PPP1R9A: variants seen among roughly 807,000 people sequenced by gnomAD.
The protein encoded by PPP1R9A is protein phosphatase 1 regulatory subunit 9A.
In PPP1R9A, 59 loss-of-function variants were observed where a neutral mutation model predicts 141.9. That is an observed-to-expected ratio of 0.42 (90% CI 0.34 to 0.52). The LOEUF is 0.52. Among genes scored for constraint, PPP1R9A ranks in the 20% least tolerant of loss-of-function variants. The probability of loss-of-function intolerance (pLI) is 0.10; values close to 1 mark genes in which losing one functional copy is unlikely to be tolerated. For missense variants in PPP1R9A, 1,444 were observed against 1,611.9 expected, an observed-to-expected ratio of 0.90 and a Z score of 1.78; for synonymous variants, 500 against 569.7, an observed-to-expected ratio of 0.88 and a Z score of 1.74.
chr7:94,951,675 C>T lies in PPP1R9A; in HGVS notation c.1395+40167C>T, dbSNP rs182001695. Reference sequence around the variant, plus strand: ...GTGAGTGAGATAGACCCATAATTTTCCTTCCTCCTACTGTCCTTCTGGGTT... The same window carrying T: ...GTGAGTGAGATAGACCCATAATTTTTCTTCCTCCTACTGTCCTTCTGGGTT... On this transcript the variant is annotated intron_variant, in intron 2 of 19. Transcript: ENST00000433360. Among the ~76,000 whole-genome samples the T allele has an allele frequency of 2.6e-5, 4 of 151,926 alleles. No homozygotes were observed. The East Asian group carries it at 7.8e-4, about 29-fold the overall frequency.
intron 2 of PPP1R9A, among the ~76,000 whole-genome samples, chr7:94,912,505 A>G (rs187336003): frequency 7.1e-4 from 108 of 152,290 alleles, no homozygotes; most frequent in Non-Finnish European, 7.2e-4. Flanking sequence ...TAGCTTACAC[A>G]GTGTGTATAT....
intron 3 of PPP1R9A, among the ~76,000 whole-genome samples, chr7:95,119,463 A>G (rs1306234847): frequency 6.6e-6 from 1 of 152,142 alleles, no homozygotes; most frequent in African/African-American, 2.4e-5. Flanking sequence ...TCCATGACTT[A>G]TCTTTTTTTT....
chr7:95,051,712 C>G (rs186946507), intron 2 of PPP1R9A, among the ~76,000 whole-genome samples: 272 of 152,212 alleles, frequency 1.8e-3, no homozygotes, highest in Non-Finnish European at 3.0e-3. Context: ...GAAGATAAAA[C>G]TGGAGAGGTA....
chr7:95,137,791 CT>C, intron 4 of PPP1R9A, among the ~76,000 whole-genome samples: 1 of 152,188 alleles, frequency 6.6e-6, no homozygotes, highest in Admixed American at 6.5e-5. Flanking sequence ...AGTTAGAGGA[CT>C]GACCTTATTT....
intron 2 of PPP1R9A, among the ~76,000 whole-genome samples, chr7:95,106,384 G>A (rs1819518043): frequency 6.6e-6 from 1 of 152,138 alleles, no homozygotes; most frequent in African/African-American, 2.4e-5. Flanking sequence ...TTAAAATTGG[G>A]ACCATACCAA....
chr7:95,157,803 T>C (rs1195096801), intron 4 of PPP1R9A, among the ~76,000 whole-genome samples: 1 of 152,206 alleles, frequency 6.6e-6, no homozygotes, highest in African/African-American at 2.4e-5. Context: ...GGGATCAAAA[T>C]GTGATTTATG....
chr7:95,058,309 G>A (rs770090992), intron 2 of PPP1R9A, among the ~76,000 whole-genome samples: 1 of 152,160 alleles, frequency 6.6e-6, no homozygotes, highest in African/African-American at 2.4e-5. Flanking sequence ...GATAGAGAAT[G>A]CAAGGAATTT....
In PPP1R9A at chr7:95,120,692, C is replaced by T. The variant is rs752845139; in HGVS notation, c.1529-20C>T. 3 of 1,606,700 alleles carry T rather than the reference C, an allele frequency of 1.9e-6. No homozygotes were observed. The highest frequency in any genetic ancestry group is 8.5e-7 in the Non-Finnish European group (1 of 1,176,706). On this transcript the variant is annotated intron_variant, in intron 3 of 19. Transcript: ENST00000433360. ...AAAACTTAAGTTGTTTCACCTCCCC[C>T]CTTTTTTTCTTTTTAATAGATGAGG...
intron 2 of PPP1R9A, among the ~76,000 whole-genome samples, chr7:95,103,257 T>C (rs759652269): frequency 6.6e-6 from 1 of 151,752 alleles, no homozygotes; most frequent in Non-Finnish European, 1.5e-5. Flanking sequence ...ATTAATTCTA[T>C]TTTTCTGGAA....
chr7:94,921,127 AG>A (rs1245314475), intron 2 of PPP1R9A, among the ~76,000 whole-genome samples: 1 of 152,058 alleles, frequency 6.6e-6, no homozygotes, highest in East Asian at 1.9e-4. Context: ...GAGAGGGAAA[AG>A]CAGGTTTATT....
intron 2 of PPP1R9A, among the ~76,000 whole-genome samples, chr7:94,919,482 G>C (rs1293519656): frequency 6.6e-6 from 1 of 151,946 alleles, no homozygotes; most frequent in African/African-American, 2.4e-5. Flanking sequence ...TGGCATTGAT[G>C]CTGAGTTTCA....
intron 2 of PPP1R9A, among the ~76,000 whole-genome samples, chr7:94,948,461 C>T (rs1160654427): frequency 6.6e-6 from 1 of 152,104 alleles, no homozygotes; most frequent in Non-Finnish European, 1.5e-5. Context: ...AGCTAGTGGT[C>T]ATATGCCTGA....
chr7:95,119,444 A>G (rs1027304507), intron 3 of PPP1R9A, among the ~76,000 whole-genome samples: 4 of 152,184 alleles, frequency 2.6e-5, no homozygotes, highest in African/African-American at 7.2e-5. Context: ...GACATTGAGG[A>G]CATTGATATC....
chr7:94,934,776 GT>G lies in PPP1R9A; in HGVS notation c.1395+23270del, dbSNP rs529639682. Reference sequence around the variant, plus strand: ...ACATATATATGTGTATATATTTGATGTTAAAAGCTTTTATCAAATGTGTGTG... The same window carrying G: ...ACATATATATGTGTATATATTTGATGTAAAAGCTTTTATCAAATGTGTGTG... On this transcript the variant is annotated intron_variant, in intron 2 of 19. Transcript: ENST00000433360. 9.5e-4 allele frequency among the ~76,000 whole-genome samples: 121 copies of G among 126,892 alleles called. 1 individual carries two copies. Among genetic ancestry groups the G allele is most frequent in the Middle Eastern group, 4.0e-3 (1 of 252 alleles). The allele number at this position is 126,892 out of a possible 152,430, so 83.2% of individuals were successfully genotyped here.
intron 2 of PPP1R9A, among the ~76,000 whole-genome samples, chr7:94,925,922 C>T (rs1793425519): frequency 6.6e-6 from 1 of 152,058 alleles, no homozygotes; most frequent in African/African-American, 2.4e-5. Context: ...GACCTCTGGG[C>T]TCAAGGGATT....
At chr7:94,996,719 CA>C (rs1802218131) in intron 2 of PPP1R9A, among the ~76,000 whole-genome samples, 1 of 151,682 alleles carries the variant, frequency 6.6e-6, no homozygotes, top group African/African-American at 2.4e-5. Context: ...CATTTTTTCT[CA>C]CTCTTCCATT....
At chr7:94,925,042 A>G (rs988839666) in intron 2 of PPP1R9A, among the ~76,000 whole-genome samples, 2 of 152,228 alleles carry the variant, frequency 1.3e-5, no homozygotes, top group South Asian at 4.1e-4. Flanking sequence ...CCAGAGAAAC[A>G]GAACCAATAG....
At chr7:95,132,120 A>G (rs1256405019) in intron 4 of PPP1R9A, among the ~76,000 whole-genome samples, 1 of 152,144 alleles carries the variant, frequency 6.6e-6, no homozygotes, top group Non-Finnish European at 1.5e-5. Context: ...TAGGTATAGA[A>G]TTATATTGTC....
At chr7:95,194,059 T>C (rs1527721) in intron 5 of PPP1R9A, among the ~76,000 whole-genome samples, 12,921 of 152,036 alleles carry the variant, frequency 0.085, 766 homozygotes, top group East Asian at 0.16. Context: ...TACCCTCAAT[T>C]TCCTGTCAAC....
Sources: gnomAD v4.1 joint callset for allele counts (sites outside exome capture counted in the v4.1 genomes callset) on GRCh38, gnomAD v4.1.1 for gene constraint, MANE v1.5 for transcripts, NCBI Gene and HGNC (gene_info 2026-07-23, HGNC 2026-07-21) for gene names.